Variants in GPAT3 observed in about 807,000 individuals in gnomAD.
GPAT3 encodes the protein glycerol-3-phosphate acyltransferase 3, also known as 1-AGP acyltransferase 9.
Under a neutral mutation model 58.8 loss-of-function variants are expected in GPAT3, and 53 were observed. The observed-to-expected ratio is 0.90, with a 90% CI of 0.72 to 1.13. GPAT3 has a LOEUF of 1.13. GPAT3 is among the 50% of genes most tolerant of loss of function. The pLI is 0.00. For missense variants in GPAT3, 511 were observed against 527.6 expected, an observed-to-expected ratio of 0.97 and a Z score of 0.31; for synonymous variants, 197 against 187.4, an observed-to-expected ratio of 1.05 and a Z score of -0.42.
intron 5 of GPAT3, 127 bp from the exon 6 acceptor site, chr4:83,590,072 A>G: frequency 1.3e-6 from 1 of 744,468 alleles, no homozygotes; most frequent in Non-Finnish European, 2.1e-6. Context: ...CAGCCTGGGC[A>G]ACAGAGTGAG....
At position 83,596,845 on chromosome 4, in the gene GPAT3, T is replaced by G; in HGVS notation, c.855-13T>G. On this transcript the variant is annotated splice_polypyrimidine_tract_variant and intron_variant, in intron 7 of 11. Coordinates refer to ENST00000264409, the MANE Select transcript of GPAT3 (RefSeq NM_032717.5). ...TTATAAAGGCAGAATTTTGATCCTT[T>G]TTTTTTCCATAGACTAAAAGAACAT... The G allele has an allele frequency of 6.2e-7, 1 of 1,604,684 alleles. No homozygotes were observed. Among genetic ancestry groups the G allele is most frequent in the Non-Finnish European group, 8.5e-7 (1 of 1,174,448 alleles).
chr4:83,583,484 A>G (rs574732942), intron 3 of GPAT3, among the ~76,000 whole-genome samples: 8 of 151,646 alleles, frequency 5.3e-5, no homozygotes, highest in Admixed American at 2.6e-4. Context: ...CCTGGACAAC[A>G]TGGTGAAACC....
At chr4:83,550,079 G>A (rs994530390) in intron 2 of GPAT3, among the ~76,000 whole-genome samples, 1 of 152,034 alleles carries the variant, frequency 6.6e-6, no homozygotes, top group African/African-American at 2.4e-5. Context: ...GGATGGTCTT[G>A]AACTCCTCAG....
chr4:83,558,482 C>A (rs1725017394), intron 2 of GPAT3, among the ~76,000 whole-genome samples: 1 of 152,124 alleles, frequency 6.6e-6, no homozygotes, highest in African/African-American at 2.4e-5. Context: ...AACCACTCAC[C>A]CTGGTTTCTG....
At chr4:83,556,324 C>G (rs926770135) in intron 2 of GPAT3, among the ~76,000 whole-genome samples, 1 of 151,958 alleles carries the variant, frequency 6.6e-6, no homozygotes, top group Non-Finnish European at 1.5e-5. Flanking sequence ...ATGGTGGAAC[C>G]CTGTCTTGAC....
intron 2 of GPAT3, among the ~76,000 whole-genome samples, chr4:83,548,207 A>G (rs918047111): frequency 6.6e-6 from 1 of 151,866 alleles, no homozygotes; most frequent in African/African-American, 2.4e-5. Context: ...GCTTCTTTTT[A>G]TCAGCTGTGC....
chr4:83,561,726 G>C (rs1010937543), intron 2 of GPAT3, among the ~76,000 whole-genome samples: 2 of 151,778 alleles, frequency 1.3e-5, no homozygotes, highest in African/African-American at 4.8e-5. Flanking sequence ...ATCAGGGTTT[G>C]TGTGACAGAG....
chr4:83,579,130 T>TTCCTTCCTTC (rs1560621650), intron 2 of GPAT3, among the ~76,000 whole-genome samples: 16 of 77,072 alleles, frequency 2.1e-4, no homozygotes, highest in African/African-American at 5.1e-4. Flanking sequence ...TTCCTTCCTT[T>TTCCTTCCTTC]CTTTCTCCCT....
At chr4:83,542,101 C>T (rs1318466383) in intron 1 of GPAT3, among the ~76,000 whole-genome samples, 1 of 152,044 alleles carries the variant, frequency 6.6e-6, no homozygotes, top group Non-Finnish European at 1.5e-5. Flanking sequence ...ATAACAGGCA[C>T]GGAATACCAG....
intron 3 of GPAT3, among the ~76,000 whole-genome samples, chr4:83,583,893 T>C (rs1726265312): frequency 6.6e-6 from 1 of 151,540 alleles, no homozygotes; most frequent in Admixed American, 6.6e-5. Context: ...GAGAAATCAC[T>C]TGAACCCGGG....
chr4:83,563,516 CTGTCTCCCA>C, intron 2 of GPAT3, among the ~76,000 whole-genome samples: 2 of 121,394 alleles, frequency 1.6e-5, no homozygotes, highest in Non-Finnish European at 3.2e-5. Context: ...GAGTCTCACT[CTGTCTCCCA>C]GGCTGGAATG....
At chr4:83,542,460 CCT>C (rs1420820174) in intron 1 of GPAT3, among the ~76,000 whole-genome samples, 1 of 152,262 alleles carries the variant, frequency 6.6e-6, no homozygotes, top group Non-Finnish European at 1.5e-5. Flanking sequence ...GGGAGATTGG[CCT>C]CTATTTATAG....
At chr4:83,540,655 C>G (rs1724266046) in intron 1 of GPAT3, among the ~76,000 whole-genome samples, 1 of 152,064 alleles carries the variant, frequency 6.6e-6, no homozygotes, top group Non-Finnish European at 1.5e-5. Flanking sequence ...TTATGGCCAC[C>G]CTTGGTATTG....
Position 83,597,455 on chromosome 4 carries a change from C to A in GPAT3, c.936C>A (p.Val312=). The part of the protein sequence containing the change: ...PEGTCINNTS[V]MMFKKGSFEI... The stretch of plus-strand genomic sequence containing the variant: ...GAACTTGCATCAACAATACTTCAGT[C>A]ATGATGTTTAAAAAGGGGAGCTTTG... The change falls in exon 9 of 12, where the codon GTC becomes GTA. Residue 312 remains valine, a synonymous_variant. Coordinates refer to ENST00000264409, the MANE Select transcript of GPAT3 (RefSeq NM_032717.5). 1 of 1,574,516 alleles carries A rather than the reference C, an allele frequency of 6.4e-7. No individual in the cohort carries two copies. Among genetic ancestry groups the A allele is most frequent in the South Asian group, 1.2e-5 (1 of 81,170 alleles).
chr4:83,583,632 A>C (rs1344055793), intron 3 of GPAT3, among the ~76,000 whole-genome samples: 1 of 126,390 alleles, frequency 7.9e-6, no homozygotes, highest in Non-Finnish European at 1.6e-5. Context: ...ACGCTACTAC[A>C]CTCCAGCCTG....
intron 2 of GPAT3, among the ~76,000 whole-genome samples, chr4:83,567,622 T>G (rs1296517102): frequency 6.6e-6 from 1 of 152,114 alleles, no homozygotes; most frequent in African/African-American, 2.4e-5. Flanking sequence ...AGTTTAAATG[T>G]TTGGTAGAAT....
chr4:83,562,071 T>G (rs896352618), intron 2 of GPAT3, among the ~76,000 whole-genome samples: 3 of 149,270 alleles, frequency 2.0e-5, no homozygotes, highest in Admixed American at 6.7e-5. Context: ...TCAGAATGAT[T>G]TCAGGAAAAG....
intron 2 of GPAT3, among the ~76,000 whole-genome samples, chr4:83,577,836 G>T (rs1725876047): frequency 9.2e-6 from 1 of 108,854 alleles, no homozygotes; most frequent in African/African-American, 3.6e-5. Context: ...TCGTTCTGTT[G>T]CCCAGGCTGG....
At chr4:83,554,227 A>G (rs960569622) in intron 2 of GPAT3, among the ~76,000 whole-genome samples, 2 of 152,160 alleles carry the variant, frequency 1.3e-5, no homozygotes, top group African/African-American at 4.8e-5. Flanking sequence ...TCTTGGGCTC[A>G]AGTGATGCTC....
Sources: allele counts gnomAD v4.1 joint callset (sites outside exome capture counted in the v4.1 genomes callset), GRCh38; gene constraint gnomAD v4.1.1; transcripts MANE v1.5; gene names NCBI Gene and HGNC (gene_info 2026-07-23, HGNC 2026-07-21).